Variants in COX10 observed in about 807,000 individuals in gnomAD.
COX10 encodes the protein protoheme IX farnesyltransferase, mitochondrial.
In COX10, 27 loss-of-function variants were observed where a neutral mutation model predicts 37.3. The ratio of observed to expected loss-of-function variants is 0.72; its 90% CI spans 0.53 to 1.00. The LOEUF is 1.00. COX10 is among the 50% of genes least tolerant of loss of function. The pLI, the probability that COX10 is intolerant of heterozygous loss-of-function variation, is 0.00. For synonymous variants in COX10, 222 were observed against 229.1 expected, an observed-to-expected ratio of 0.97 and a Z score of 0.28; for missense variants, 475 against 563.2, an observed-to-expected ratio of 0.84 and a Z score of 1.59.
chr17:14,183,043 A>G (rs1905913976), intron 5 of COX10, among the ~76,000 whole-genome samples: 1 of 150,984 alleles, frequency 6.6e-6, no homozygotes, highest in African/African-American at 2.4e-5. Flanking sequence ...ATATTTAAAA[A>G]GGAGAAAAAA....
intron 6 of COX10, among the ~76,000 whole-genome samples, chr17:14,193,910 G>T (rs1236453843): frequency 2.6e-5 from 4 of 151,694 alleles, no homozygotes; most frequent in African/African-American, 9.7e-5. Context: ...TGTGCATGGG[G>T]AGTATCCCCC....
chr17:14,125,836 G>C (rs540050969), intron 4 of COX10, among the ~76,000 whole-genome samples: 2 of 152,248 alleles, frequency 1.3e-5, no homozygotes, highest in Admixed American at 1.3e-4. Flanking sequence ...TATTAGTCAA[G>C]GGCAAGAGCT....
intron 5 of COX10, chr17:14,182,075 G>A (rs2532445): frequency 0.61 from 598,614 of 975,560 alleles, 184,854 homozygotes; most frequent in East Asian, 0.63. Context: ...TCAGCTTTCA[G>A]AACTCATTCA....
chr17:14,107,742 T>A (rs565248133), intron 4 of COX10, among the ~76,000 whole-genome samples: 8 of 152,150 alleles, frequency 5.3e-5, no homozygotes, highest in African/African-American at 1.9e-4. Context: ...ACTCTGCTAT[T>A]AGCAAATTGT....
At chr17:14,092,491 C>T (rs1307461225) in intron 3 of COX10, among the ~76,000 whole-genome samples, 2 of 151,976 alleles carry the variant, frequency 1.3e-5, no homozygotes, top group African/African-American at 2.4e-5. Flanking sequence ...ATCTTTTAAC[C>T]AGAAGTGGTT....
Position 14,192,011 on chromosome 17 carries a change from G to A in COX10, c.718G>A (p.Ala240Thr). The change falls in exon 6 of 7, where the codon GCC becomes ACC. Residue 240 changes from alanine to threonine, a missense_variant. Physicochemically the swap from Ala to Thr is moderately conservative, Grantham distance 58. Around this residue, in one of 5 missense-constraint regions of COX10, gnomAD observed 54 missense variants for 70.6 expected, o/e 0.76. Coordinates refer to ENST00000261643, the MANE Select transcript of COX10 (RefSeq NM_001303.4). ...QISPLLAVSF[A>T]TCCAVPGVAI... ...CAGCCCATTGCTAGCTGTGTCCTTT[G>A]CCACTTGTTGTGCTGTTCCGGGAGT... 6.2e-7 allele frequency: 1 copy of A among 1,614,176 alleles called. No individual in the cohort carries two copies. The highest frequency in any genetic ancestry group is 8.5e-7 in the Non-Finnish European group (1 of 1,180,046).
Position 14,069,546 on chromosome 17 carries a change from A to G in COX10, c.-60A>G, listed in dbSNP as rs1597488206. The G allele has an allele frequency of 2.5e-6, 4 of 1,599,452 alleles. No individual in the cohort carries two copies. The highest frequency in any genetic ancestry group is 1.7e-5 in the Admixed American group (1 of 59,630). The stretch of plus-strand genomic sequence containing the variant: ...GCGGGGAAGGAAGATGGCGGCGCCC[A>G]GCGTCCCGTGAGGAGAGAGGACACA... On this transcript the variant is annotated 5_prime_UTR_variant, in exon 1 of 7. Coordinates refer to ENST00000261643, the MANE Select transcript of COX10 (RefSeq NM_001303.4).
chr17:14,153,194 C>G (rs779090723), intron 4 of COX10, among the ~76,000 whole-genome samples: 2 of 152,116 alleles, frequency 1.3e-5, no homozygotes, highest in Non-Finnish European at 2.9e-5. Flanking sequence ...ACTAAACTTC[C>G]AAATAAGGTG....
At chr17:14,189,230 A>G (rs868216249) in intron 5 of COX10, among the ~76,000 whole-genome samples, 1,030 of 151,292 alleles carry the variant, frequency 6.8e-3, no homozygotes, top group African/African-American at 0.023. Context: ...TTAATTTTTC[A>G]ATCAGAATTG....
At chr17:14,151,603 C>T (rs1451738388) in intron 4 of COX10, among the ~76,000 whole-genome samples, 1 of 150,636 alleles carries the variant, frequency 6.6e-6, no homozygotes, top group African/African-American at 2.4e-5. Context: ...TACTTAACCA[C>T]GAGTTTATTT....
chr17:14,138,065 C>T (rs894838988), intron 4 of COX10, among the ~76,000 whole-genome samples: 11 of 150,080 alleles, frequency 7.3e-5, no homozygotes, highest in Non-Finnish European at 1.6e-4. Flanking sequence ...ATAATGTGGT[C>T]GTCATTAAAG....
chr17:14,104,263 T>G (rs967103360), intron 4 of COX10, among the ~76,000 whole-genome samples: 1 of 152,202 alleles, frequency 6.6e-6, no homozygotes, highest in African/African-American at 2.4e-5. Context: ...AGTGTTATCA[T>G]TATGGTATCA....
At chr17:14,137,775 G>C (rs1397673998) in intron 4 of COX10, among the ~76,000 whole-genome samples, 1 of 151,784 alleles carries the variant, frequency 6.6e-6, no homozygotes, top group Non-Finnish European at 1.5e-5. Flanking sequence ...GACTAGAAAG[G>C]GTACCAGTTA....
At chr17:14,170,192 A>T (rs1905418744) in intron 5 of COX10, among the ~76,000 whole-genome samples, 1 of 152,228 alleles carries the variant, frequency 6.6e-6, no homozygotes. Flanking sequence ...TTTTATAGCA[A>T]CACAAAATGG....
intron 1 of COX10, among the ~76,000 whole-genome samples, chr17:14,071,133 A>T (rs958668512): frequency 2.0e-5 from 3 of 152,194 alleles, no homozygotes; most frequent in African/African-American, 7.2e-5. Context: ...TCATTCTCAG[A>T]GAACTCATCC....
chr17:14,108,025 G>A (rs1309131652), intron 4 of COX10, among the ~76,000 whole-genome samples: 1 of 152,096 alleles, frequency 6.6e-6, no homozygotes, highest in East Asian at 1.9e-4. Context: ...ATGGTTAGTA[G>A]CCACTTGTAG....
chr17:14,069,578 C>T lies in COX10; in HGVS notation c.-28C>T. The T allele has an allele frequency of 6.2e-7, 1 of 1,613,708 alleles. No individual in the cohort carries two copies. Among genetic ancestry groups the T allele is most frequent in the Non-Finnish European group, 8.5e-7 (1 of 1,179,908 alleles). ...CGTGAGGAGAGAGGACACAGGGATC[C>T]CGGGGAGCGGCCCCAGACTCGTAAA... is the stretch of plus-strand genomic sequence containing the variant. On this transcript the variant is annotated 5_prime_UTR_variant, in exon 1 of 7. Transcript: ENST00000261643.
intron 4 of COX10, among the ~76,000 whole-genome samples, chr17:14,106,292 C>T (rs964993852): frequency 1.3e-5 from 2 of 152,128 alleles, no homozygotes; most frequent in Non-Finnish European, 1.5e-5. Flanking sequence ...GCTGGGATTA[C>T]AGGTGTCAGC....
Position 14,192,078 on chromosome 17 carries a change from T to G in COX10, c.785T>G (p.Leu262Arg). 1.9e-6 allele frequency: 3 copies of G among 1,614,224 alleles called. No individual in the cohort carries two copies. The highest frequency in any genetic ancestry group is 1.1e-5 in the South Asian group (1 of 91,074). ...GGGGTGAATCCACTCACAGGAGCCCTGGGGCTCTTCAACATTTTCCTGTAT... is the reference window on the plus strand; with the variant it reads ...GGGGTGAATCCACTCACAGGAGCCCGGGGGCTCTTCAACATTTTCCTGTAT... Reference protein sequence around the residue: ...TLGVNPLTGALGLFNIFLYTC... With the variant: ...TLGVNPLTGARGLFNIFLYTC... The change falls in exon 6 of 7, where the codon CTG becomes CGG. Residue 262 changes from leucine to arginine, a missense_variant. Physicochemically the swap from Leu to Arg is moderately radical, Grantham distance 102. Transcript: ENST00000261643.
Sources: allele counts gnomAD v4.1 joint callset (sites outside exome capture counted in the v4.1 genomes callset), GRCh38; gene constraint gnomAD v4.1.1; regional missense constraint gnomAD v4.1.1; transcripts MANE v1.5; gene names NCBI Gene and HGNC (gene_info 2026-07-23, HGNC 2026-07-21).